The following CABCOCO1 variants were observed in gnomAD, a reference collection of about 807,000 sequenced individuals.
The protein encoded by CABCOCO1 is ciliary associated calcium binding coiled-coil 1.
A neutral mutation model predicts 35.7 loss-of-function variants in CABCOCO1; 28 were observed. The observed-to-expected ratio is 0.78, with a 90% CI of 0.58 to 1.07. CABCOCO1 has a LOEUF of 1.07. Ranked by LOEUF, CABCOCO1 falls within the 50% of genes least tolerant of loss-of-function variation. CABCOCO1 has a pLI of 0.00. For missense variants in CABCOCO1, 326 were observed against 309.2 expected, an observed-to-expected ratio of 1.05 and a Z score of -0.41; for synonymous variants, 95 against 100.1, an observed-to-expected ratio of 0.95 and a Z score of 0.30.
chr10:61,755,932 C>T (rs571823308), intron 5 of CABCOCO1, among the ~76,000 whole-genome samples: 1 of 152,080 alleles, frequency 6.6e-6, no homozygotes, highest in South Asian at 2.1e-4. Context: ...GTTTTTAGAT[C>T]CAAACTGACT....
intron 5 of CABCOCO1, among the ~76,000 whole-genome samples, chr10:61,718,018 T>C (rs971143437): frequency 8.5e-5 from 13 of 152,284 alleles, no homozygotes; most frequent in African/African-American, 2.9e-4. Flanking sequence ...AAGCTCTGAA[T>C]GGATGCTGGT....
intron 5 of CABCOCO1, among the ~76,000 whole-genome samples, chr10:61,736,313 T>C (rs1016000205): frequency 1.3e-5 from 2 of 152,178 alleles, no homozygotes; most frequent in African/African-American, 2.4e-5. Context: ...GAGTTGACTT[T>C]TATATATGGT....
intron 5 of CABCOCO1, among the ~76,000 whole-genome samples, chr10:61,699,770 C>G (rs967862649): frequency 1.3e-5 from 2 of 152,118 alleles, no homozygotes; most frequent in Admixed American, 6.6e-5. Context: ...AGCATCCACT[C>G]TCCTAGAAAT....
intron 5 of CABCOCO1, among the ~76,000 whole-genome samples, chr10:61,709,698 A>T (rs1361660763): frequency 6.6e-6 from 1 of 152,034 alleles, no homozygotes; most frequent in Non-Finnish European, 1.5e-5. Flanking sequence ...AAATTTAAAA[A>T]AAAAAAAATG....
chr10:61,740,292 G>A (rs538352511), intron 5 of CABCOCO1, among the ~76,000 whole-genome samples: 3 of 152,094 alleles, frequency 2.0e-5, no homozygotes, highest in Admixed American at 6.5e-5. Context: ...ACAGCTTCTC[G>A]TACCATCCAC....
chr10:61,751,684 T>A (rs1008635142), intron 5 of CABCOCO1, among the ~76,000 whole-genome samples: 1 of 152,228 alleles, frequency 6.6e-6, no homozygotes, highest in Admixed American at 6.5e-5. Flanking sequence ...CAAGCAACTT[T>A]GAGTTTTGTA....
intron 4 of CABCOCO1, among the ~76,000 whole-genome samples, chr10:61,687,462 C>T (rs1341242803): frequency 6.6e-6 from 1 of 152,164 alleles, no homozygotes; most frequent in Non-Finnish European, 1.5e-5. Context: ...CCCAGTTTCT[C>T]TTGCAGAACA....
intron 7 of CABCOCO1, among the ~76,000 whole-genome samples, chr10:61,761,404 T>C (rs924410250): frequency 2.6e-5 from 4 of 152,112 alleles, no homozygotes; most frequent in Non-Finnish European, 5.9e-5. Context: ...TTCAGATCTT[T>C]GAACTGCCTC....
chr10:61,761,057 C>A, intron 7 of CABCOCO1, 54 bp downstream of exon 7: 3 of 1,579,822 alleles, frequency 1.9e-6, no homozygotes, highest in African/African-American at 1.4e-5. Context: ...AATTAGCCAA[C>A]CTTAACTTTA....
At chr10:61,664,623 A>G (rs1839108522) in intron 1 of CABCOCO1, among the ~76,000 whole-genome samples, 1 of 152,198 alleles carries the variant, frequency 6.6e-6, no homozygotes, top group South Asian at 2.1e-4. Flanking sequence ...AGTAACAAAC[A>G]GAAGAAATCA....
At position 61,681,078 on chromosome 10, in the gene CABCOCO1, CTT is replaced by C. The variant is rs1839777218; in HGVS notation, c.165-64_165-63del. The C allele has an allele frequency of 9.7e-6, 10 of 1,026,754 alleles. No individual in the cohort carries two copies. The South Asian group carries it at 1.8e-4, about 19-fold the overall frequency. 63.6% of individuals were successfully genotyped at this position (1,026,754 alleles called of 1,614,324 possible). On this transcript the variant is annotated intron_variant, in intron 2 of 7. Coordinates refer to ENST00000648843, the MANE Select transcript of CABCOCO1 (RefSeq NM_001366906.2). ...TAAAGAAAAAGACCTGTTTTCAAAA[CTT>C]AGGAAAGAAATGGTTCAATATCTAA...
intron 5 of CABCOCO1, among the ~76,000 whole-genome samples, chr10:61,726,341 T>A (rs1841148805): frequency 6.6e-6 from 1 of 152,154 alleles, no homozygotes; most frequent in Non-Finnish European, 1.5e-5. Context: ...ATTCACAGGA[T>A]ATTGACATAA....
At chr10:61,762,741 A>T (rs1842033027) in intron 7 of CABCOCO1, among the ~76,000 whole-genome samples, 1 of 152,044 alleles carries the variant, frequency 6.6e-6, no homozygotes, top group African/African-American at 2.4e-5. Flanking sequence ...CTGATAAAAG[A>T]CCCTGAATGG....
intron 5 of CABCOCO1, among the ~76,000 whole-genome samples, chr10:61,726,056 T>C (rs1012496671): frequency 5.3e-5 from 8 of 152,328 alleles, no homozygotes; most frequent in South Asian, 4.1e-4. Flanking sequence ...GAATCTTAAA[T>C]TGGGATTCCA....
At chr10:61,753,863 C>T (rs899115272) in intron 5 of CABCOCO1, among the ~76,000 whole-genome samples, 1 of 152,146 alleles carries the variant, frequency 6.6e-6, no homozygotes, top group Admixed American at 6.6e-5. Context: ...ACTTTAAAGA[C>T]TGTCACTATA....
intron 4 of CABCOCO1, 58 bp downstream of exon 4, chr10:61,686,243 G>A: frequency 1.4e-6 from 2 of 1,405,492 alleles, no homozygotes; most frequent in Non-Finnish European, 9.5e-7. Context: ...GAAAATGTCT[G>A]TTAAGTAAAA....
At chr10:61,720,102 A>G (rs1245010205) in intron 5 of CABCOCO1, among the ~76,000 whole-genome samples, 3 of 152,096 alleles carry the variant, frequency 2.0e-5, no homozygotes, top group Non-Finnish European at 4.4e-5. Flanking sequence ...TCATTGAAAT[A>G]ACATTTGGGC....
intron 5 of CABCOCO1, among the ~76,000 whole-genome samples, chr10:61,758,727 C>A (rs1841948577): frequency 6.6e-6 from 1 of 152,032 alleles, no homozygotes; most frequent in Admixed American, 6.6e-5. Context: ...AATCATTTAA[C>A]CTCTTGGTTT....
chr10:61,712,987 G>A (rs893589056), intron 5 of CABCOCO1, among the ~76,000 whole-genome samples: 5 of 152,126 alleles, frequency 3.3e-5, no homozygotes, highest in Admixed American at 2.0e-4. Context: ...TTGGCAATGC[G>A]GGCTCTTTTT....
Sources: allele counts gnomAD v4.1 joint callset (sites outside exome capture counted in the v4.1 genomes callset), GRCh38; gene constraint gnomAD v4.1.1; transcripts MANE v1.5; gene names NCBI Gene and HGNC (gene_info 2026-07-23, HGNC 2026-07-21).